HMGCLL1: variants seen among roughly 807,000 people sequenced by gnomAD.
The protein encoded by HMGCLL1 is 3-hydroxymethyl-3-methylglutaryl-CoA lyase, cytoplasmic.
Under a neutral mutation model 39.1 loss-of-function variants are expected in HMGCLL1, and 36 were observed. The ratio of observed to expected loss-of-function variants is 0.92; its 90% CI spans 0.71 to 1.22. The LOEUF is 1.22. Among genes scored for constraint, HMGCLL1 ranks in the 50% most tolerant of loss-of-function variants. The probability of loss-of-function intolerance (pLI) is 0.00; values close to 1 mark genes in which losing one functional copy is unlikely to be tolerated. For synonymous variants in HMGCLL1, 149 were observed against 144.0 expected, an observed-to-expected ratio of 1.03 and a Z score of -0.25; for missense variants, 451 against 416.5, an observed-to-expected ratio of 1.08 and a Z score of -0.72.
intron 1 of HMGCLL1, among the ~76,000 whole-genome samples, chr6:55,552,208 G>T (rs1770372878): frequency 6.6e-6 from 1 of 151,922 alleles, no homozygotes; most frequent in Non-Finnish European, 1.5e-5. Context: ...ACCCCGTAGT[G>T]ATCTATCTCT....
At chr6:55,587,733 A>C in the HMGCLL1 span, among the ~76,000 whole-genome samples, 1 of 152,172 alleles carries the variant, frequency 6.6e-6, no homozygotes, top group South Asian at 2.1e-4. Context: ...TGGAAAACAA[A>C]AAAAGGCAGG....
chr6:55,501,782 A>G (rs1253279613), intron 5 of HMGCLL1, among the ~76,000 whole-genome samples: 1 of 151,894 alleles, frequency 6.6e-6, no homozygotes, highest in Admixed American at 6.6e-5. Flanking sequence ...AACATTGAAA[A>G]TCACTCAACT....
chr6:55,587,092 G>C, the HMGCLL1 span, among the ~76,000 whole-genome samples: 1 of 152,192 alleles, frequency 6.6e-6, no homozygotes, highest in Admixed American at 6.5e-5. Context: ...CATTCTAACT[G>C]GTGTGAGATG....
intron 1 of HMGCLL1, chr6:55,566,602 C>T (rs1022012586): frequency 1.1e-5 from 5 of 455,968 alleles, no homozygotes; most frequent in Non-Finnish European, 2.2e-5. Context: ...GGGATCATTA[C>T]ATCCTTCAAT....
rs369309512 is a variant in HMGCLL1, at chr6:55,478,994, TTCTC to T, written c.795+16421_795+16424del. ...TCTGAGCATCCTTGTGCCTCTGAATTTCTCTCTTTTTTTGCCTACCATCTGCCAG... is the reference window on the plus strand; with the variant it reads ...TCTGAGCATCCTTGTGCCTCTGAATTTCTTTTTTTGCCTACCATCTGCCAG... On this transcript the variant is annotated intron_variant, in intron 7 of 8. Coordinates refer to ENST00000274901, the MANE Select transcript of HMGCLL1 (RefSeq NM_001042406.2). 3.5e-3 allele frequency among the ~76,000 whole-genome samples: 535 copies of T among 151,760 alleles called. 24 individuals are homozygous for T. Among genetic ancestry groups the T allele is most frequent in the Middle Eastern group, 0.017 (5 of 294 alleles).
At chr6:55,670,917 A>C in the HMGCLL1 span, among the ~76,000 whole-genome samples, 1 of 151,882 alleles carries the variant, frequency 6.6e-6, no homozygotes, top group Non-Finnish European at 1.5e-5. Flanking sequence ...ACCCAACCAA[A>C]CTCACTTCAA....
At position 55,543,461 on chromosome 6, in the gene HMGCLL1, CATATATATCATATATAATAT is replaced by C. The variant is rs1769731161; in HGVS notation, c.109-1341_109-1322del. On this transcript the variant is annotated intron_variant, in intron 1 of 8. Coordinates refer to ENST00000274901, the MANE Select transcript of HMGCLL1 (RefSeq NM_001042406.2). The stretch of plus-strand genomic sequence containing the variant: ...CATATATGATATATATGATATATAT[CATATATATCATATATAATAT>C]ATATATGATATATATCATATATATC... 2.2e-5 allele frequency among the ~76,000 whole-genome samples: 2 copies of C among 91,094 alleles called. 1 individual carries two copies. Among genetic ancestry groups the C allele is most frequent in the Non-Finnish European group, 3.9e-5 (2 of 51,326 alleles). 59.8% of individuals were successfully genotyped at this position (91,094 alleles called of 152,430 possible). A position where few individuals can be genotyped will look rare whatever the true frequency, so the allele number is the denominator to read the frequency against.
At chr6:55,537,949 C>T (rs1038963361) in intron 3 of HMGCLL1, among the ~76,000 whole-genome samples, 1 of 152,114 alleles carries the variant, frequency 6.6e-6, no homozygotes, top group African/African-American at 2.4e-5. Context: ...CATGTATCTA[C>T]TTAATGTAAG....
intron 7 of HMGCLL1, among the ~76,000 whole-genome samples, chr6:55,445,712 CTT>C (rs1763799875): frequency 6.6e-6 from 1 of 152,030 alleles, no homozygotes; most frequent in South Asian, 2.1e-4. Flanking sequence ...ACAGCACAAA[CTT>C]ATGTTTGCAC....
chr6:55,585,499 A>G, the HMGCLL1 span, among the ~76,000 whole-genome samples: 1 of 152,140 alleles, frequency 6.6e-6, no homozygotes, highest in Non-Finnish European at 1.5e-5. Context: ...TTGGTGGGTT[A>G]TAATAAGATC....
At chr6:55,666,627 T>C in the HMGCLL1 span, among the ~76,000 whole-genome samples, 13 of 151,876 alleles carry the variant, frequency 8.6e-5, no homozygotes, top group East Asian at 2.5e-3. Context: ...TAATATTTTC[T>C]AGCTAATGGA....
At chr6:55,515,471 G>C (rs62405367) in intron 4 of HMGCLL1, among the ~76,000 whole-genome samples, 23,954 of 152,058 alleles carry the variant, frequency 0.16, 2,409 homozygotes, top group Admixed American at 0.24. Context: ...TGTAAACTAA[G>C]TGTTGTTATG....
intron 7 of HMGCLL1, among the ~76,000 whole-genome samples, chr6:55,493,004 T>C (rs1389499634): frequency 2.0e-5 from 3 of 151,720 alleles, no homozygotes; most frequent in Non-Finnish European, 2.9e-5. Context: ...TCTCAAATAG[T>C]TTAGCGTAAG....
intron 3 of HMGCLL1, among the ~76,000 whole-genome samples, chr6:55,523,488 A>G (rs7744986): frequency 0.68 from 103,282 of 151,738 alleles, 35,197 homozygotes; most frequent in Admixed American, 0.72. Context: ...TCTTCAAGTA[A>G]CACATGGCGA....
chr6:55,642,380 A>G, the HMGCLL1 span, among the ~76,000 whole-genome samples: 4 of 152,046 alleles, frequency 2.6e-5, no homozygotes, highest in African/African-American at 9.7e-5. Context: ...AATTAGAAAA[A>G]GATATAGCTC....
chr6:55,671,207 G>A, the HMGCLL1 span, among the ~76,000 whole-genome samples: 7 of 151,712 alleles, frequency 4.6e-5, no homozygotes, highest in African/African-American at 9.7e-5. Context: ...AATATGTTAC[G>A]TTTCTTGGTA....
chr6:55,468,057 A>T (rs1016040066), intron 7 of HMGCLL1, among the ~76,000 whole-genome samples: 1 of 151,972 alleles, frequency 6.6e-6, no homozygotes, highest in Non-Finnish European at 1.5e-5. Flanking sequence ...GGGATTTGGG[A>T]ATGAGAAGGA....
At chr6:55,633,416 A>G in the HMGCLL1 span, among the ~76,000 whole-genome samples, 1 of 151,780 alleles carries the variant, frequency 6.6e-6, no homozygotes, top group Non-Finnish European at 1.5e-5. Context: ...AATTTCATAT[A>G]GATAAATTAG....
chr6:55,592,376 G>A, the HMGCLL1 span, among the ~76,000 whole-genome samples: 4 of 152,064 alleles, frequency 2.6e-5, no homozygotes, highest in Non-Finnish European at 5.9e-5. Flanking sequence ...CAAAAGTTTA[G>A]AAGATATGGA....
Sources: allele counts gnomAD v4.1 joint callset (sites outside exome capture counted in the v4.1 genomes callset), GRCh38; gene constraint gnomAD v4.1.1; transcripts MANE v1.5; gene names NCBI Gene and HGNC (gene_info 2026-07-23, HGNC 2026-07-21).